ASIC2: variants seen among roughly 807,000 people sequenced by gnomAD.
The protein encoded by ASIC2 is acid sensing ion channel subunit 2.
In ASIC2, 25 loss-of-function variants were observed where a neutral mutation model predicts 57.3. The ratio of observed to expected loss-of-function variants is 0.44; its 90% CI spans 0.32 to 0.61. The LOEUF is 0.61. Among genes scored for constraint, ASIC2 ranks in the 20% least tolerant of loss-of-function variants. ASIC2 has a pLI of 0.06. For synonymous variants in ASIC2, 319 were observed against 307.5 expected (o/e 1.04, Z -0.39); for missense variants, 641 against 738.1 (o/e 0.87, Z 1.52).
At chr17:33,728,674 G>A (rs1347825723) in intron 1 of ASIC2, among the ~76,000 whole-genome samples, 1 of 152,188 alleles carries the variant, frequency 6.6e-6, no homozygotes, top group Admixed American at 6.5e-5. Flanking sequence ...TGAGGACCCA[G>A]GAAATGTCAC....
intron 1 of ASIC2, among the ~76,000 whole-genome samples, chr17:33,961,984 T>C (rs369663602): frequency 5.5e-4 from 83 of 152,268 alleles, no homozygotes; most frequent in African/African-American, 1.9e-3. Flanking sequence ...CAAGGAGGAA[T>C]TCCTCGGTTC....
intron 1 of ASIC2, among the ~76,000 whole-genome samples, chr17:33,502,517 A>G (rs8075499): frequency 0.49 from 74,872 of 152,068 alleles, 18,945 homozygotes; most frequent in Middle Eastern, 0.6. Context: ...ACTCCAGGGA[A>G]AGGGCAAGGG....
intron 1 of ASIC2, among the ~76,000 whole-genome samples, chr17:34,099,313 G>C (rs187720900): frequency 1.6e-4 from 23 of 140,616 alleles, no homozygotes; most frequent in Admixed American, 1.5e-3. Flanking sequence ...GAGAAAGAAA[G>C]AAAGGAAAGA....
chr17:33,878,621 C>T (rs1465268908), intron 1 of ASIC2, among the ~76,000 whole-genome samples: 1 of 152,198 alleles, frequency 6.6e-6, no homozygotes, highest in South Asian at 2.1e-4. Context: ...AAGACCAAAT[C>T]TATGTCTGAC....
At chr17:33,722,922 G>A (rs1364329898) in intron 1 of ASIC2, among the ~76,000 whole-genome samples, 1 of 152,172 alleles carries the variant, frequency 6.6e-6, no homozygotes, top group Non-Finnish European at 1.5e-5. Context: ...CTGAAAAATA[G>A]CAAATATTCA....
intron 1 of ASIC2, among the ~76,000 whole-genome samples, chr17:33,554,589 C>T (rs975171459): frequency 6.6e-6 from 1 of 152,132 alleles, no homozygotes; most frequent in Non-Finnish European, 1.5e-5. Context: ...CCAAGCCCTG[C>T]TAGTGTCTGT....
intron 1 of ASIC2, among the ~76,000 whole-genome samples, chr17:33,299,969 A>C (rs1296909266): frequency 1.3e-5 from 2 of 152,196 alleles, no homozygotes; most frequent in Non-Finnish European, 1.5e-5. Flanking sequence ...AAAGGGCACA[A>C]CCAGAATCCA....
At chr17:33,912,854 C>T (rs1915498217) in intron 1 of ASIC2, among the ~76,000 whole-genome samples, 1 of 152,030 alleles carries the variant, frequency 6.6e-6, no homozygotes, top group East Asian at 1.9e-4. Flanking sequence ...TGGTGCATGC[C>T]TATAATCCCA....
chr17:33,899,637 T>C (rs1228571952), intron 1 of ASIC2, among the ~76,000 whole-genome samples: 2 of 152,190 alleles, frequency 1.3e-5, no homozygotes, highest in East Asian at 1.9e-4. Flanking sequence ...TCTAAGTCCC[T>C]TCTCTATAAG....
intron 1 of ASIC2, among the ~76,000 whole-genome samples, chr17:33,363,726 C>T (rs896248470): frequency 6.6e-6 from 1 of 152,182 alleles, no homozygotes; most frequent in Non-Finnish European, 1.5e-5. Flanking sequence ...AAAGTTGCCA[C>T]GGCAACAGGG....
intron 1 of ASIC2, chr17:34,039,895 GC>G: frequency 6.4e-7 from 1 of 1,573,072 alleles, no homozygotes; most frequent in South Asian, 1.1e-5. Context: ...CGCCGCCGCT[GC>G]CGCTCCACGC....
intron 1 of ASIC2, among the ~76,000 whole-genome samples, chr17:33,372,570 A>G (rs1909114257): frequency 6.6e-6 from 1 of 151,942 alleles, no homozygotes; most frequent in African/African-American, 2.4e-5. Flanking sequence ...GGCTGCTGGG[A>G]CCTCATTTGG....
chr17:33,207,055 C>T (rs118132302), intron 1 of ASIC2, among the ~76,000 whole-genome samples: 1,645 of 152,270 alleles, frequency 0.011, 11 homozygotes, highest in South Asian at 0.019. Flanking sequence ...TTCACAATGA[C>T]AATGGATGTG....
chr17:34,102,128 G>A lies in ASIC2; in HGVS notation c.555+53850C>T, dbSNP rs10438795. On this transcript the variant is annotated intron_variant, in intron 1 of 9. Transcript: ENST00000359872. The stretch of plus-strand genomic sequence containing the variant: ...GTTCGAGACTAGCCTGGCCAACTTT[G>A]AGACTAGCCTGGCCAACATGGTGAA... Among the ~76,000 whole-genome samples, 209 of 152,028 alleles carry A rather than the reference G, an allele frequency of 1.4e-3. 1 individual carries two copies. Among genetic ancestry groups the A allele is most frequent in the African/African-American group, 4.9e-3 (205 of 41,482 alleles).
intron 1 of ASIC2, among the ~76,000 whole-genome samples, chr17:33,749,163 C>A (rs969766294): frequency 6.6e-6 from 1 of 152,130 alleles, no homozygotes; most frequent in Non-Finnish European, 1.5e-5. Context: ...TCCTCTGGAG[C>A]TCTGGCAGGA....
chr17:33,438,866 T>C (rs1339994394), intron 1 of ASIC2, among the ~76,000 whole-genome samples: 1 of 136,588 alleles, frequency 7.3e-6, no homozygotes, highest in Non-Finnish European at 1.6e-5. Flanking sequence ...TTTTTTTTTT[T>C]TGAGACAGGG....
intron 1 of ASIC2, among the ~76,000 whole-genome samples, chr17:34,033,595 A>T (rs987419559): frequency 2.7e-4 from 41 of 152,194 alleles, no homozygotes; most frequent in African/African-American, 9.6e-4. Context: ...TGAAAAGATC[A>T]ACGAAATTGA....
chr17:33,795,765 G>A (rs1395762707), intron 1 of ASIC2, among the ~76,000 whole-genome samples: 2 of 152,200 alleles, frequency 1.3e-5, no homozygotes, highest in Non-Finnish European at 2.9e-5. Flanking sequence ...TTTTGAAAGG[G>A]AAACTAAGAA....
chr17:33,350,618 G>T (rs1246161626), intron 1 of ASIC2, among the ~76,000 whole-genome samples: 2 of 151,154 alleles, frequency 1.3e-5, no homozygotes, highest in Non-Finnish European at 2.9e-5. Context: ...GGAAGCAGAG[G>T]TTGCAGTGAG....
Sources: allele counts gnomAD v4.1 joint callset (sites outside exome capture counted in the v4.1 genomes callset), GRCh38; gene constraint gnomAD v4.1.1; transcripts MANE v1.5; gene names NCBI Gene and HGNC (gene_info 2026-07-23, HGNC 2026-07-21).